The following GAREM1 variants were observed in gnomAD, a reference collection of about 807,000 sequenced individuals.
GAREM1 encodes the protein GRB2 associated regulator of MAPK1 subtype 1.
In GAREM1, 26 loss-of-function variants were observed where a neutral mutation model predicts 71.3. That is an observed-to-expected ratio of 0.36 (90% CI 0.27 to 0.51). GAREM1 has a LOEUF of 0.51. GAREM1 is among the 20% of genes least tolerant of loss of function. The pLI is 0.95. For missense variants in GAREM1, 1,026 were observed against 1,103.1 expected (o/e 0.93, Z 0.99); for synonymous variants, 440 against 433.2 (o/e 1.02, Z -0.20).
intron 2 of GAREM1, among the ~76,000 whole-genome samples, chr18:32,376,824 G>A (rs1046951874): frequency 2.6e-5 from 4 of 152,056 alleles, no homozygotes; most frequent in African/African-American, 9.7e-5. Context: ...GGCAACAAGA[G>A]CAAAACTGTC....
Position 32,268,000 on chromosome 18 carries a change from A to T in GAREM1, c.2502T>A (p.Val834=), listed in dbSNP as rs1241003544. The part of the protein sequence containing the change: ...GLSEDVISFF[V]TEKIDGNLLV... ...GCAGGTTCCCATCAATCTTTTCAGT[A>T]ACAAAGAATGATATGACATCTTCGG... Residue 834 remains valine (V), a synonymous_variant, in exon 6 of 6, where the codon GTT becomes GTA. Coordinates refer to ENST00000269209, the MANE Select transcript of GAREM1 (RefSeq NM_001242409.2). The T allele has an allele frequency of 6.2e-7, 1 of 1,613,884 alleles. No homozygotes were observed. The highest frequency in any genetic ancestry group is 1.7e-5 in the Admixed American group (1 of 60,038).
intron 2 of GAREM1, among the ~76,000 whole-genome samples, chr18:32,315,509 A>G (rs2047369896): frequency 6.8e-6 from 1 of 147,470 alleles, no homozygotes; most frequent in South Asian, 2.1e-4. Context: ...AAAAAAGTAG[A>G]TATATATAAA....
intron 3 of GAREM1, among the ~76,000 whole-genome samples, chr18:32,289,355 C>T (rs1179879232): frequency 2.6e-5 from 4 of 152,164 alleles, no homozygotes; most frequent in Non-Finnish European, 5.9e-5. Flanking sequence ...TACACTCACA[C>T]TGAAGTTTAT....
chr18:32,310,261 C>A lies in GAREM1; in HGVS notation c.325G>T (p.Val109Leu). Residue 109 changes from valine to leucine, a missense_variant, in exon 3 of 6, where the codon GTG becomes TTG. Val to Leu is a conservative substitution (Grantham distance 32). Around this residue, in one of 3 missense-constraint regions of GAREM1, gnomAD observed 172 missense variants for 175.2 expected, o/e 0.98. Transcript: ENST00000269209. The stretch of plus-strand genomic sequence containing the variant: ...GGAAATGCCTTAGCCACCTCCTCCA[C>A]ACTGTTGAAATATTGCACTGGCTCC... ...IKEPVQYFNSVEEVAKAFPER... is the reference protein window; with the variant it reads ...IKEPVQYFNSLEEVAKAFPER... 6.2e-7 allele frequency: 1 copy of A among 1,614,140 alleles called. No homozygotes were observed. Among genetic ancestry groups the A allele is most frequent in the Non-Finnish European group, 8.5e-7 (1 of 1,179,996 alleles).
intron 1 of GAREM1, among the ~76,000 whole-genome samples, chr18:32,400,421 T>G (rs946202065): frequency 2.6e-5 from 4 of 152,076 alleles, no homozygotes; most frequent in African/African-American, 9.7e-5. Flanking sequence ...TACAATCTAC[T>G]CATCTGACAA....
chr18:32,375,152 G>A (rs1035658034), intron 2 of GAREM1, among the ~76,000 whole-genome samples: 2 of 151,928 alleles, frequency 1.3e-5, no homozygotes, highest in African/African-American at 2.4e-5. Flanking sequence ...TTAATATTCC[G>A]AATATCTGGC....
intron 2 of GAREM1, among the ~76,000 whole-genome samples, chr18:32,339,685 T>A (rs114962146): frequency 0.012 from 1,795 of 152,344 alleles, 48 homozygotes; most frequent in African/African-American, 0.041. Flanking sequence ...GTTTAACATA[T>A]ACAAATCTAA....
At chr18:32,381,800 C>G (rs1190072597) in intron 2 of GAREM1, among the ~76,000 whole-genome samples, 1 of 152,232 alleles carries the variant, frequency 6.6e-6, no homozygotes, top group Non-Finnish European at 1.5e-5. Context: ...AACTAGGTTT[C>G]TAACTTCATC....
In GAREM1 at chr18:32,308,483, T is replaced by C. The variant is rs1458625866; in HGVS notation, c.393+1710A>G. Among the ~76,000 whole-genome samples, 45 of 150,212 alleles carry C rather than the reference T, an allele frequency of 3.0e-4. 5 individuals are homozygous for C. Among genetic ancestry groups the C allele is most frequent in the Non-Finnish European group, 2.4e-4 (16 of 67,522 alleles). ...GATTTCTTTATTAGCAAATGAAATA[T>C]TTTTCTAGAAAGGAGTTTAAAACTA... On this transcript the variant is annotated intron_variant, in intron 3 of 5. Transcript: ENST00000269209.
intron 1 of GAREM1, among the ~76,000 whole-genome samples, chr18:32,459,390 G>C (rs747468546): frequency 1.3e-5 from 2 of 151,770 alleles, no homozygotes; most frequent in African/African-American, 4.8e-5. Context: ...CCCTGGCCAT[G>C]ATGAGGCTGT....
chr18:32,282,350 C>G (rs531866953), intron 4 of GAREM1, among the ~76,000 whole-genome samples: 5 of 152,228 alleles, frequency 3.3e-5, no homozygotes, highest in Admixed American at 2.6e-4. Context: ...CGCTTGAACC[C>G]AGGAGGTGGA....
At chr18:32,391,971 A>G (rs10048362) in intron 2 of GAREM1, among the ~76,000 whole-genome samples, 20,308 of 152,130 alleles carry the variant, frequency 0.13, 1,569 homozygotes, top group African/African-American at 0.21. Context: ...AATACCATTT[A>G]CTGTGTCTAG....
At chr18:32,316,245 T>C (rs1299686440) in intron 2 of GAREM1, among the ~76,000 whole-genome samples, 7 of 152,234 alleles carry the variant, frequency 4.6e-5, no homozygotes, top group Admixed American at 3.9e-4. Context: ...TGTTAACATT[T>C]ATGCACATAG....
At chr18:32,378,053 TGTGTGC>T (rs1185490372) in intron 2 of GAREM1, among the ~76,000 whole-genome samples, 12 of 141,738 alleles carry the variant, frequency 8.5e-5, no homozygotes, top group African/African-American at 3.0e-4. Flanking sequence ...TGTGTGTGTG[TGTGTGC>T]GCGCGGGCGC....
At chr18:32,425,301 A>AT (rs1417081766) in intron 1 of GAREM1, among the ~76,000 whole-genome samples, 3 of 152,204 alleles carry the variant, frequency 2.0e-5, no homozygotes, top group African/African-American at 7.2e-5. Flanking sequence ...ATTTGGAGCC[A>AT]TTTCCCATTA....
chr18:32,470,569 G>A lies in GAREM1; in HGVS notation c.-141C>T, dbSNP rs904886523. ...GCTCCGGCCGCGGGCAGCCGGGGGG[G>A]CGCGGCGACTGGGGCGGCCCGGAGG... is the stretch of plus-strand genomic sequence containing the variant. On this transcript the variant is annotated 5_prime_UTR_variant, in exon 1 of 6. Transcript: ENST00000269209. This position sits in a 1 kb window ranked among gnomAD's most constrained non-coding sequence, Gnocchi z 4.4. 51 of 480,524 alleles carry A rather than the reference G, an allele frequency of 1.1e-4. No individual in the cohort carries two copies. The highest frequency in any genetic ancestry group is 1.6e-4 in the East Asian group (1 of 6,384). 29.8% of individuals were successfully genotyped at this position (480,524 alleles called of 1,614,324 possible). A position where few individuals can be genotyped will look rare whatever the true frequency, so the allele number is the denominator to read the frequency against.
At chr18:32,391,223 G>C (rs1484176534) in intron 2 of GAREM1, among the ~76,000 whole-genome samples, 1 of 152,172 alleles carries the variant, frequency 6.6e-6, no homozygotes, top group Non-Finnish European at 1.5e-5. Flanking sequence ...AAATGGAAAA[G>C]TGTCTAGTAT....
intron 2 of GAREM1, among the ~76,000 whole-genome samples, chr18:32,342,201 A>C (rs530098489): frequency 2.0e-5 from 3 of 152,284 alleles, no homozygotes; most frequent in African/African-American, 7.2e-5. Flanking sequence ...ACATGAAGAA[A>C]AATGAGGCGC....
chr18:32,339,312 T>A (rs529425941), intron 2 of GAREM1, among the ~76,000 whole-genome samples: 3 of 152,340 alleles, frequency 2.0e-5, no homozygotes, highest in African/African-American at 7.2e-5. Flanking sequence ...GATAAGTGCC[T>A]GGAAGAAGCA....
Sources: allele counts gnomAD v4.1 joint callset (sites outside exome capture counted in the v4.1 genomes callset), GRCh38; gene constraint gnomAD v4.1.1; regional missense constraint gnomAD v4.1.1; non-coding constraint Gnocchi (gnomAD v3.1); transcripts MANE v1.5; gene names NCBI Gene and HGNC (gene_info 2026-07-23, HGNC 2026-07-21).